ARHGAP10: variants seen among roughly 807,000 people sequenced by gnomAD.
The protein encoded by ARHGAP10 is rho GTPase-activating protein 10.
ARHGAP10 carries 87 observed loss-of-function variants against 108.6 expected under a neutral mutation model. The observed-to-expected ratio is 0.80, with a 90% confidence interval of 0.67 to 0.96. The LOEUF (loss-of-function observed/expected upper bound fraction) is 0.96, where lower values mean the gene tolerates loss of function less well. ARHGAP10 is among the 40% of genes least tolerant of loss of function. ARHGAP10 has a pLI of 0.00. For synonymous variants in ARHGAP10, 347 were observed against 341.1 expected (o/e 1.02, Z -0.19); for missense variants, 939 against 954.5 (o/e 0.98, Z 0.21).
chr4:147,910,016 C>CT (rs371707136), intron 12 of ARHGAP10, among the ~76,000 whole-genome samples: 7,034 of 150,946 alleles, frequency 0.047, 460 homozygotes, highest in African/African-American at 0.15. Flanking sequence ...CTTTTCTTTT[C>CT]TTTTTTTTTG....
intron 16 of ARHGAP10, among the ~76,000 whole-genome samples, chr4:147,960,922 A>T (rs1738966735): frequency 6.6e-6 from 1 of 152,206 alleles, no homozygotes; most frequent in African/African-American, 2.4e-5. Context: ...ATTCTGTTTG[A>T]AGAAGCCACA....
chr4:147,778,590 C>T (rs539593500), intron 1 of ARHGAP10, among the ~76,000 whole-genome samples: 2 of 152,226 alleles, frequency 1.3e-5, no homozygotes, highest in East Asian at 1.9e-4. Context: ...TAAATATGCA[C>T]GTGTTCTCTC....
chr4:148,018,999 T>A (rs1351072743), intron 18 of ARHGAP10, among the ~76,000 whole-genome samples: 1 of 152,256 alleles, frequency 6.6e-6, no homozygotes, highest in Non-Finnish European at 1.5e-5. Flanking sequence ...AAATGTTAAA[T>A]GTATTCAATG....
At chr4:147,841,000 C>T (rs1355977581) in intron 3 of ARHGAP10, among the ~76,000 whole-genome samples, 1 of 152,246 alleles carries the variant, frequency 6.6e-6, no homozygotes, top group Non-Finnish European at 1.5e-5. Context: ...CTTGCTTCCT[C>T]TTTTTGTAAG....
At chr4:147,994,006 G>C (rs1045269371) in intron 18 of ARHGAP10, among the ~76,000 whole-genome samples, 5 of 152,206 alleles carry the variant, frequency 3.3e-5, no homozygotes, top group Admixed American at 1.3e-4. Context: ...GAAGCTTGGA[G>C]AGCTGAAATT....
intron 20 of ARHGAP10, among the ~76,000 whole-genome samples, chr4:148,058,645 A>G (rs1729468613): frequency 6.6e-6 from 1 of 152,232 alleles, no homozygotes; most frequent in South Asian, 2.1e-4. Context: ...TGTTTTTAAT[A>G]TGCGTGGAGC....
intron 20 of ARHGAP10, among the ~76,000 whole-genome samples, chr4:148,055,830 A>G (rs13103534): frequency 0.57 from 86,253 of 152,006 alleles, 25,133 homozygotes; most frequent in East Asian, 0.82. Context: ...GCAGGAAAGC[A>G]CTGGGTATGT....
intron 18 of ARHGAP10, among the ~76,000 whole-genome samples, chr4:147,998,956 G>A (rs1381365608): frequency 6.6e-6 from 1 of 152,190 alleles, no homozygotes; most frequent in Non-Finnish European, 1.5e-5. Context: ...AGAGGGAAAC[G>A]AGGTGGTATC....
Position 147,866,804 on chromosome 4 carries a change from C to A in ARHGAP10, c.690C>A (p.Ile230=). 2 of 1,607,154 alleles carry A rather than the reference C, an allele frequency of 1.2e-6. No individual in the cohort carries two copies. Among genetic ancestry groups the A allele is most frequent in the Non-Finnish European group, 1.7e-6 (2 of 1,174,080 alleles). The change falls in exon 7 of 23, where the codon ATC becomes ATA. Residue 230 remains isoleucine (I), a synonymous_variant. Transcript: ENST00000336498. ...DFNHYKMELQ[I]NIQNTRNRFE... is the part of the protein sequence containing the mutation. ...ATCACTACAAAATGGAACTACAGAT[C>A]AACATTCAGAATGTAAGGAAGTGAA...
intron 4 of ARHGAP10, among the ~76,000 whole-genome samples, chr4:147,847,688 C>T (rs1733691009): frequency 6.6e-6 from 1 of 152,110 alleles, no homozygotes; most frequent in African/African-American, 2.4e-5. Flanking sequence ...TATTGAGCCT[C>T]TATTATGTGC....
chr4:147,903,613 A>G (rs939483963), intron 10 of ARHGAP10, among the ~76,000 whole-genome samples: 11 of 152,142 alleles, frequency 7.2e-5, no homozygotes, highest in African/African-American at 2.4e-4. Flanking sequence ...CCACCTGTTC[A>G]TCCCTTTCCC....
At chr4:147,821,865 G>A (rs1273666754) in intron 1 of ARHGAP10, among the ~76,000 whole-genome samples, 1 of 152,216 alleles carries the variant, frequency 6.6e-6, no homozygotes, top group African/African-American at 2.4e-5. Flanking sequence ...CTCAGGCCAT[G>A]GCCTTTGGAC....
chr4:148,008,835 A>G (rs1474712339), intron 18 of ARHGAP10, among the ~76,000 whole-genome samples: 3 of 152,062 alleles, frequency 2.0e-5, no homozygotes, highest in African/African-American at 7.3e-5. Flanking sequence ...AGAGGCGATG[A>G]TATTAAGACA....
intron 16 of ARHGAP10, among the ~76,000 whole-genome samples, chr4:147,959,168 A>G (rs1158286530): frequency 1.3e-5 from 2 of 152,164 alleles, no homozygotes; most frequent in African/African-American, 4.8e-5. Context: ...GCGAATAGAA[A>G]GCTCTGATGA....
intron 1 of ARHGAP10, among the ~76,000 whole-genome samples, chr4:147,747,594 A>T (rs1165017895): frequency 2.6e-5 from 4 of 152,078 alleles, no homozygotes; most frequent in African/African-American, 7.2e-5. Flanking sequence ...CAGAGGGAGG[A>T]TATGAGTGGA....
At chr4:147,784,640 ATATAAAATATATAT>A (rs1246033136) in intron 1 of ARHGAP10, among the ~76,000 whole-genome samples, 2 of 68,236 alleles carry the variant, frequency 2.9e-5, no homozygotes, top group African/African-American at 1.1e-4. Flanking sequence ...TATATTATAA[ATATAAAATATATAT>A]TATAAAATAT....
At chr4:148,017,652 C>CTATATATATATATATATATA (rs35472561) in intron 18 of ARHGAP10, among the ~76,000 whole-genome samples, 34 of 105,284 alleles carry the variant, frequency 3.2e-4, no homozygotes, top group African/African-American at 1.1e-3. Flanking sequence ...GAGCCAGTAA[C>CTATATATATATATATATATA]TATATATATA....
intron 3 of ARHGAP10, among the ~76,000 whole-genome samples, chr4:147,843,996 T>C (rs994504832): frequency 2.0e-5 from 3 of 152,144 alleles, no homozygotes; most frequent in African/African-American, 7.2e-5. Context: ...GAGGACAAAA[T>C]TGGTATCTCT....
chr4:147,986,258 C>T (rs1740042204), intron 18 of ARHGAP10, among the ~76,000 whole-genome samples: 2 of 152,178 alleles, frequency 1.3e-5, no homozygotes, highest in South Asian at 2.1e-4. Flanking sequence ...ATGCCTCTCA[C>T]TGCCATTTCC....
Sources: gnomAD v4.1 joint callset for allele counts (sites outside exome capture counted in the v4.1 genomes callset) on GRCh38, gnomAD v4.1.1 for gene constraint, MANE v1.5 for transcripts, NCBI Gene and HGNC (gene_info 2026-07-23, HGNC 2026-07-21) for gene names.